Variants in APC2 observed in about 807,000 individuals in gnomAD.
The protein encoded by APC2 is adenomatous polyposis coli protein 2.
In APC2, 41 loss-of-function variants were observed where a neutral mutation model predicts 72.5. That is an observed-to-expected ratio of 0.57 (90% CI 0.44 to 0.73). APC2 has a LOEUF of 0.73. Ranked by LOEUF, APC2 falls within the 30% of genes least tolerant of loss-of-function variation. APC2 has a pLI of 0.00. For synonymous variants in APC2, 1,898 were observed against 1,612.0 expected (o/e 1.18, Z -4.25); for missense variants, 3,729 against 3,403.4 (o/e 1.10, Z -2.38).
chr19:1,452,935 C>A lies in APC2; in HGVS notation c.-18-49C>A. The A allele has an allele frequency of 6.3e-7, 1 of 1,581,404 alleles. No individual in the cohort carries two copies. ...GGGCCGTCTGTCCGGAAGGCATCAC[C>A]GCGCCCTCCCCAGACCATCAGCTGA... On this transcript the variant is annotated intron_variant, in intron 1 of 14. Transcript: ENST00000590469. This position sits in a 1 kb window ranked among gnomAD's most constrained non-coding sequence, Gnocchi z 5.1.
chr19:1,457,895 C>CCGGGGGGGGAGGGGGGGGGG, intron 9 of APC2, 70 bp from the exon 10 acceptor site: 1 of 1,233,430 alleles, frequency 8.1e-7, no homozygotes, highest in African/African-American at 2.8e-5. Flanking sequence ...GGGCGGGTTG[C>CCGGGGGGGGAGGGGGGGGGG]GGGACCTTCG....
chr19:1,447,851 G>A (rs2083700836), upstream of APC2, among the ~76,000 whole-genome samples: 1 of 152,114 alleles, frequency 6.6e-6, no homozygotes. Flanking sequence ...ACGTTCCCTG[G>A]CCCAGGCCTC....
Position 1,465,596 on chromosome 19 carries a change from C to A in APC2, c.2295C>A (p.Asp765Glu), listed in dbSNP as rs751821175. The A allele has an allele frequency of 1.9e-6, 3 of 1,586,092 alleles. No homozygotes were observed. Among genetic ancestry groups the A allele is most frequent in the African/African-American group, 2.7e-5 (2 of 73,766 alleles). ...KKPLPPLRHL[D>E]GLAQDYASDS... Reference sequence around the variant, plus strand: ...CGCTGCCGCCCCTGCGACACCTGGACGGCCTGGCCCAAGACTATGCTTCCG... The same window carrying A: ...CGCTGCCGCCCCTGCGACACCTGGAAGGCCTGGCCCAAGACTATGCTTCCG... Residue 765 changes from aspartate to glutamate, a missense_variant, in exon 15 of 15, where the codon GAC becomes GAA. Asp to Glu is a conservative substitution (Grantham distance 45). Transcript: ENST00000590469.
In APC2 at chr19:1,468,562, G is replaced by C. The variant is rs1245558213; in HGVS notation, c.5261G>C (p.Arg1754Thr). The change falls in exon 15 of 15, where the codon AGG becomes ACG. Residue 1754 changes from arginine to threonine, a missense_variant. Physicochemically the swap from Arg to Thr is moderately conservative, Grantham distance 71. Transcript: ENST00000590469. ...EMGSARRPEK[R>T]GAASVKTSGS... ...GGCAGTGCCCGGCGGCCAGAGAAAA[G>C]GGGCGCAGCCTCAGTCAAGACCAGC... 6.3e-7 allele frequency: 1 copy of C among 1,597,664 alleles called. No homozygotes were observed. The highest frequency in any genetic ancestry group is 1.3e-5 in the African/African-American group (1 of 74,586).
rs1375687103 is a variant in APC2, at chr19:1,465,897, A to T, written c.2596A>T (p.Thr866Ser). ...QLVEDISALH[T>S]SSDDSFSLSS... ...GGTGGAGGACATCTCCGCCCTGCAC[A>T]CCTCGTCCGACGATAGCTTCAGCCT... The change falls in exon 15 of 15, where the codon ACC becomes TCC. Residue 866 changes from threonine to serine, a missense_variant. Thr to Ser is a moderately conservative substitution (Grantham distance 58). Coordinates refer to ENST00000590469, the MANE Select transcript of APC2 (RefSeq NM_005883.3). The T allele has an allele frequency of 1.9e-6, 3 of 1,573,730 alleles. No individual in the cohort carries two copies. Among genetic ancestry groups the T allele is most frequent in the Non-Finnish European group, 2.6e-6 (3 of 1,165,326 alleles).
chr19:1,467,109 G>T lies in APC2; in HGVS notation c.3808G>T (p.Glu1270Ter). Reference sequence around the variant, plus strand: ...GCGCTTTACCGTGGAGAAGCCAGACGAGAACTTCTCGTGCGCCTCCAGCCT... The same window carrying T: ...GCGCTTTACCGTGGAGAAGCCAGACTAGAACTTCTCGTGCGCCTCCAGCCT... ...SVRFTVEKPD[E>*]NFSCASSLSA... Residue 1270 changes from glutamate (E) to a stop codon, truncating the protein, a stop_gained, in exon 15 of 15, where the codon GAG (glutamate) becomes TAG (stop). Transcript: ENST00000590469. LOFTEE classifies it low-confidence loss of function (END_TRUNC). 6.2e-7 allele frequency: 1 copy of T among 1,601,370 alleles called. No individual in the cohort carries two copies.
chr19:1,469,472 C>G lies in APC2; in HGVS notation c.6171C>G (p.Ala2057=). ...CACCCCGGCAGGGCCCGGCCCCGGC[C>G]CGGCAGCGGCCCCCCGCGGCCCGAC... ...RAAPRQGPAP[A]RQRPPAARPS... is the part of the protein sequence containing the mutation. The change falls in exon 15 of 15, where the codon GCC becomes GCG. Residue 2057 remains alanine (A), a synonymous_variant. Coordinates refer to ENST00000590469, the MANE Select transcript of APC2 (RefSeq NM_005883.3). 9.0e-7 allele frequency: 1 copy of G among 1,117,108 alleles called. No homozygotes were observed. The highest frequency in any genetic ancestry group is 1.1e-6 in the Non-Finnish European group (1 of 918,690). 69.2% of individuals were successfully genotyped at this position (1,117,108 alleles called of 1,614,324 possible).
At position 1,460,770 on chromosome 19, in the gene APC2, C is replaced by A. The variant is rs779960037; in HGVS notation, c.1444-10C>A. 1.9e-6 allele frequency: 3 copies of A among 1,612,114 alleles called. No homozygotes were observed. Among genetic ancestry groups the A allele is most frequent in the Non-Finnish European group, 2.5e-6 (3 of 1,179,366 alleles). ...CAACCCCGTGACCCCGGCTGCATAA[C>A]CCCCAACAGGCCACCCTGTGTGCGC... On this transcript the variant is annotated splice_polypyrimidine_tract_variant and intron_variant, in intron 11 of 14. Coordinates refer to ENST00000590469, the MANE Select transcript of APC2 (RefSeq NM_005883.3).
At position 1,471,464 on chromosome 19, in the gene APC2, G is replaced by A. The variant is rs2084132992; in HGVS notation, c.*1251G>A. 6.6e-6 allele frequency: 1 copy of A among 152,222 alleles called. No individual in the cohort carries two copies. Among genetic ancestry groups the A allele is most frequent in the African/African-American group, 2.4e-5 (1 of 41,444 alleles). The allele number at this position is 152,222 out of a possible 1,614,324, so 9.4% of individuals were successfully genotyped here. A position where few individuals can be genotyped will look rare whatever the true frequency, so the allele number is the denominator to read the frequency against. On this transcript the variant is annotated 3_prime_UTR_variant, in exon 15 of 15. Coordinates refer to ENST00000590469, the MANE Select transcript of APC2 (RefSeq NM_005883.3). ...TGAAAGCTTATAGAAGGGCCTGAGG[G>A]GCTCGGCTGCCTCATCCCCTGGCGG...
chr19:1,472,990 C>T lies in APC2; in HGVS notation c.*2777C>T, dbSNP rs1457499564. The T allele has an allele frequency of 3.9e-5, 6 of 152,296 alleles. No individual in the cohort carries two copies. Among genetic ancestry groups the T allele is most frequent in the South Asian group, 2.1e-4 (1 of 4,830 alleles). The allele number at this position is 152,296 out of a possible 1,614,324, so 9.4% of individuals were successfully genotyped here. On this transcript the variant is annotated 3_prime_UTR_variant, in exon 15 of 15. Transcript: ENST00000590469. ...CCACCGGCATGGTCCTCCCGAGCTCCGACAGCATTACCTCACCCGGCCCCA... is the reference window on the plus strand; with the variant it reads ...CCACCGGCATGGTCCTCCCGAGCTCTGACAGCATTACCTCACCCGGCCCCA...
intron 13 of APC2, chr19:1,461,619 G>C: frequency 3.1e-6 from 1 of 322,374 alleles, no homozygotes. Context: ...TTGGGAGGCC[G>C]AGGCGGGCGG....
In APC2 at chr19:1,472,063, G is replaced by A. The variant is rs1045426; in HGVS notation, c.*1850G>A. The A allele has an allele frequency of 6.6e-6, 1 of 152,604 alleles. No homozygotes were observed. Among genetic ancestry groups the A allele is most frequent in the East Asian group, 1.9e-4 (1 of 5,178 alleles). 9.5% of individuals were successfully genotyped at this position (152,604 alleles called of 1,614,324 possible). On this transcript the variant is annotated 3_prime_UTR_variant, in exon 15 of 15. Coordinates refer to ENST00000590469, the MANE Select transcript of APC2 (RefSeq NM_005883.3). ...AGGCTGTCAGGTTGTTTTGGGGGAAGAGGGGGTCATGGATGGCTGAGCAGA... is the reference window on the plus strand; with the variant it reads ...AGGCTGTCAGGTTGTTTTGGGGGAAAAGGGGGTCATGGATGGCTGAGCAGA...
Position 1,473,234 on chromosome 19 carries a change from C to G in APC2, c.*3021C>G, listed in dbSNP as rs1353024019. The G allele has an allele frequency of 1.3e-5, 2 of 152,290 alleles. No homozygotes were observed. Among genetic ancestry groups the G allele is most frequent in the Non-Finnish European group, 1.5e-5 (1 of 68,066 alleles). The allele number at this position is 152,290 out of a possible 1,614,324, so 9.4% of individuals were successfully genotyped here. On this transcript the variant is annotated 3_prime_UTR_variant, in exon 15 of 15. Coordinates refer to ENST00000590469, the MANE Select transcript of APC2 (RefSeq NM_005883.3). The stretch of plus-strand genomic sequence containing the variant: ...TCGCACACATTTAATAAACTGAGCT[C>G]TTGCATTGCCTGCCGCCATCACCTC...
Position 1,466,190 on chromosome 19 carries a change from G to A in APC2, c.2889G>A (p.Arg963=). 1.9e-6 allele frequency: 3 copies of A among 1,559,926 alleles called. No homozygotes were observed. The highest frequency in any genetic ancestry group is 2.4e-5 in the East Asian group (1 of 42,498). Residue 963 remains arginine (R), a synonymous_variant, in exon 15 of 15, where the codon CGG becomes CGA. Coordinates refer to ENST00000590469, the MANE Select transcript of APC2 (RefSeq NM_005883.3). ...RREDPRCGQP[R]PSRLDLDLPG... is the part of the protein sequence containing the mutation. The stretch of plus-strand genomic sequence containing the variant: ...AGGACCCCAGGTGTGGGCAGCCTCG[G>A]CCCAGCCGGCTTGACCTTGACCTGC...
Position 1,468,709 on chromosome 19 carries a change from C to T in APC2, c.5408C>T (p.Ala1803Val), listed in dbSNP as rs573641683. ...VIYVPSPAPR[A>V]QPKGTPGPRA... ...TACGTCCCCAGCCCGGCACCCCGTG[C>T]CCAGCCCAAAGGGACCCCCGGCCCC... The change falls in exon 15 of 15, where the codon GCC (alanine) becomes GTC (valine). Residue 1803 changes from alanine to valine, a missense_variant. Coordinates refer to ENST00000590469, the MANE Select transcript of APC2 (RefSeq NM_005883.3). 47 of 1,531,616 alleles carry T rather than the reference C, an allele frequency of 3.1e-5. No homozygotes were observed. The African/African-American group carries it at 6.2e-4, about 20-fold the overall frequency. 94.9% of individuals were successfully genotyped at this position (1,531,616 alleles called of 1,614,324 possible).
At position 1,466,350 on chromosome 19, in the gene APC2, G is replaced by A. The variant is rs757905133; in HGVS notation, c.3049G>A (p.Ala1017Thr). ...GASRAGAEPL[A>T]GPGISPGARK... ...CTCAAGGGCGGGTGCAGAGCCCCTC[G>A]CGGGGCCTGGAATCTCTCCAGGGGC... Residue 1017 changes from alanine to threonine, a missense_variant, in exon 15 of 15, where the codon GCG becomes ACG. Transcript: ENST00000590469. 11 of 1,561,344 alleles carry A rather than the reference G, an allele frequency of 7.0e-6. No individual in the cohort carries two copies. The highest frequency in any genetic ancestry group is 6.8e-5 in the East Asian group (3 of 44,240).
chr19:1,464,997 T>C (rs1248513829), intron 14 of APC2, among the ~76,000 whole-genome samples, 158 bp from the exon 15 acceptor site: 1 of 151,930 alleles, frequency 6.6e-6, no homozygotes, highest in East Asian at 1.9e-4. Context: ...GTCTCTGTCA[T>C]GCAATCTTTG....
rs2083899248 is a variant in APC2 at position 1,460,116 on chromosome 19, G to C, written c.1304-65G>C. On this transcript the variant is annotated intron_variant, in intron 10 of 14. Transcript: ENST00000590469. The stretch of plus-strand genomic sequence containing the variant: ...GGAGGGCCTCTGGGCAAGGGAGTGA[G>C]GTGGGGCGCTGGGCAGCAGGCAGGG... 4.4e-6 allele frequency: 7 copies of C among 1,604,372 alleles called. No homozygotes were observed. In the South Asian group the frequency reaches 5.5e-5, roughly 13 times the overall value.
rs1287711652 is a variant in APC2 at position 1,467,120 on chromosome 19, G to C, written c.3819G>C (p.Ser1273=). The C allele has an allele frequency of 1.3e-6, 2 of 1,596,056 alleles. No individual in the cohort carries two copies. Among genetic ancestry groups the C allele is most frequent in the Non-Finnish European group, 8.5e-7 (1 of 1,171,026 alleles). Residue 1273 remains serine, a synonymous_variant, in exon 15 of 15, where the codon TCG becomes TCC. Coordinates refer to ENST00000590469, the MANE Select transcript of APC2 (RefSeq NM_005883.3). ...FTVEKPDENF[S]CASSLSALAL... is the part of the protein sequence containing the mutation. ...TGGAGAAGCCAGACGAGAACTTCTC[G>C]TGCGCCTCCAGCCTCAGCGCGCTGG... is the stretch of plus-strand genomic sequence containing the variant.
Sources: gnomAD v4.1 joint callset for allele counts (sites outside exome capture counted in the v4.1 genomes callset) on GRCh38, gnomAD v4.1.1 for gene constraint, Gnocchi (gnomAD v3.1) non-coding constraint, MANE v1.5 for transcripts, NCBI Gene and HGNC (gene_info 2026-07-23, HGNC 2026-07-21) for gene names.